SRPRB: variants seen among roughly 807,000 people sequenced by gnomAD.
The protein encoded by SRPRB is SRP receptor subunit beta, also known as signal recognition particle receptor subunit beta.
Under a neutral mutation model 31.9 loss-of-function variants are expected in SRPRB, and 20 were observed. The ratio of observed to expected loss-of-function variants is 0.63; its 90% CI spans 0.44 to 0.91. The LOEUF is 0.91. Ranked by LOEUF, SRPRB falls within the 40% of genes least tolerant of loss-of-function variation. SRPRB has a pLI of 0.00. For missense variants in SRPRB, 321 were observed against 324.9 expected, an observed-to-expected ratio of 0.99 and a Z score of 0.09; for synonymous variants, 146 against 132.8, an observed-to-expected ratio of 1.10 and a Z score of -0.68.
rs777415054 is a variant in SRPRB at position 133,819,708 on chromosome 3, G to A, written c.758G>A (p.Gly253Glu). ...GAGTGCAGTGCCAAGGGTGGAAGAG[G>A]GGACGTGGGCTCTGCTGACATCCAG... ...FLECSAKGGR[G>E]DVGSADIQDL... Residue 253 changes from glycine (G) to glutamate (E), a missense_variant, in exon 7 of 7, where the codon GGG becomes GAG. Gly to Glu is a moderately conservative substitution (Grantham distance 98). Transcript: ENST00000678299. The A allele has an allele frequency of 5.0e-5, 81 of 1,614,000 alleles. No individual in the cohort carries two copies. In the Admixed American group the frequency reaches 1.3e-3, roughly 27 times the overall value.
At chr3:133,828,405 G>A (rs1935606023), downstream of SRPRB, 2 of 357,032 alleles carry the variant, frequency 5.6e-6, no homozygotes, top group Non-Finnish European at 1.0e-5. Flanking sequence ...GGAGGTGTGT[G>A]GAAAAGGTTC....
intron 2 of SRPRB, among the ~76,000 whole-genome samples, chr3:133,807,157 A>G (rs1292877644): frequency 6.6e-6 from 1 of 151,008 alleles, no homozygotes; most frequent in African/African-American, 2.4e-5. Context: ...TTAACAGTGT[A>G]TTTTAATGTG....
chr3:133,804,095 CAAAAAAAAAA>C (rs1205426598), upstream of SRPRB, among the ~76,000 whole-genome samples: 1 of 58,290 alleles, frequency 1.7e-5, no homozygotes, highest in African/African-American at 6.1e-5. Context: ...GACTCTGTCT[CAAAAAAAAAA>C]AAAAAAAAAA....
chr3:133,826,478 G>A (rs1468084361), downstream of SRPRB: 1 of 152,646 alleles, frequency 6.6e-6, no homozygotes, highest in Admixed American at 6.5e-5. Flanking sequence ...GCAGATTCCT[G>A]TAAATGGGGC....
chr3:133,803,087 C>T (rs1935086355), upstream of SRPRB, among the ~76,000 whole-genome samples: 4 of 152,132 alleles, frequency 2.6e-5, 1 homozygote, highest in South Asian at 8.3e-4. Context: ...ATTTTCATAC[C>T]TATTTCTGTC....
rs141237654 is a variant in SRPRB at position 133,813,799 on chromosome 3, G to A, written c.411-1791G>A. 6.6e-3 allele frequency among the ~76,000 whole-genome samples: 1,011 copies of A among 152,268 alleles called. 8 individuals are homozygous for A. Among genetic ancestry groups the A allele is most frequent in the Non-Finnish European group, 0.011 (715 of 68,020 alleles). ...GATATTGTGGTGGTTCTTTAATCCC[G>A]TAGGATATGAAAGCCTTGCTCCATA... On this transcript the variant is annotated intron_variant, in intron 4 of 6. Transcript: ENST00000678299.
chr3:133,827,034 C>A (rs373057917), downstream of SRPRB: 2 of 152,796 alleles, frequency 1.3e-5, no homozygotes, highest in East Asian at 1.9e-4. Flanking sequence ...TCAGTGGGAT[C>A]CTGCTTCCTC....
intron 1 of SRPRB, chr3:133,788,424 C>T (rs899703002): frequency 3.3e-5 from 5 of 152,240 alleles, no homozygotes; most frequent in Non-Finnish European, 7.3e-5. Context: ...CACAGGCCTT[C>T]TCCCACCCTG....
chr3:133,815,658 A>G lies in SRPRB; in HGVS notation c.479A>G (p.Tyr160Cys), dbSNP rs768291085. 12 of 1,613,882 alleles carry G rather than the reference A, an allele frequency of 7.4e-6. No homozygotes were observed. The Admixed American group carries it at 1.8e-4, about 25-fold the overall frequency. ...GTGAAAGATGTGGCTGAGTTTCTGT[A>G]TCAAGTCCTCATTGACAGTATGGGT... ...REVKDVAEFL[Y>C]QVLIDSMGLK... The change falls in exon 5 of 7, where the codon TAT becomes TGT. Residue 160 changes from tyrosine (Y) to cysteine (C), a missense_variant. Tyr to Cys is a radical substitution (Grantham distance 194). Coordinates refer to ENST00000678299, the MANE Select transcript of SRPRB (RefSeq NM_001379313.1).
chr3:133,785,200 C>T (rs1458713343), intron 1 of SRPRB: 8 of 98,508 alleles, frequency 8.1e-5, no homozygotes, highest in African/African-American at 2.7e-4. Context: ...CCCGGCCAGC[C>T]GCCCCGTCTG....
At position 133,805,986 on chromosome 3, in the gene SRPRB, G is replaced by C. The variant is rs777146219; in HGVS notation, c.138G>C (p.Ala46=). The part of the protein sequence containing the change: ...TLLSVVVAVL[A]VLLTLVFWKL... ...TGTCAGTAGTGGTGGCGGTTCTTGC[G>C]GTGCTGCTGACGCTAGGTAAAAGGC... Residue 46 remains alanine (A), a synonymous_variant, in exon 1 of 7, where the codon GCG becomes GCC. Transcript: ENST00000678299. 1.2e-6 allele frequency: 2 copies of C among 1,613,188 alleles called. No individual in the cohort carries two copies. The highest frequency in any genetic ancestry group is 8.5e-7 in the Non-Finnish European group (1 of 1,179,476).
In SRPRB at chr3:133,819,805, A is replaced by G. The variant is rs750386326; in HGVS notation, c.*39A>G. ...AGCACAAGACCTGGATGTGTGACAC[A>G]CAGTTTTGGAAAAAGGTCTGTGGTA... On this transcript the variant is annotated 3_prime_UTR_variant, in exon 7 of 7. Transcript: ENST00000678299. 1.1e-5 allele frequency: 18 copies of G among 1,587,468 alleles called. No homozygotes were observed. The highest frequency in any genetic ancestry group is 1.5e-5 in the Non-Finnish European group (18 of 1,162,354).
chr3:133,800,697 G>T (rs566872511), intron 1 of SRPRB, among the ~76,000 whole-genome samples: 2 of 152,304 alleles, frequency 1.3e-5, no homozygotes, highest in Admixed American at 6.5e-5. Context: ...GTAGGCTAGG[G>T]TGACATGTCC....
Position 133,806,452 on chromosome 3 carries a change from T to A in SRPRB, c.155-157T>A, listed in dbSNP as rs6764794. ...TTGACAGTGCCTGGCTCTCAGTGGA[T>A]CCCTAACAACAGCAATAGTAACCAT... is the stretch of plus-strand genomic sequence containing the variant. On this transcript the variant is annotated intron_variant, in intron 1 of 6. Coordinates refer to ENST00000678299, the MANE Select transcript of SRPRB (RefSeq NM_001379313.1). 2.0e-3 allele frequency: 1,227 copies of A among 598,992 alleles called. 9 individuals carry two copies. The highest frequency in any genetic ancestry group is 0.019 in the African/African-American group (1,014 of 54,314). 37.1% of individuals were successfully genotyped at this position (598,992 alleles called of 1,614,324 possible). A position where few individuals can be genotyped will look rare whatever the true frequency, so the allele number is the denominator to read the frequency against.
chr3:133,810,204 A>G (rs543141489), intron 3 of SRPRB: 1 of 152,366 alleles, frequency 6.6e-6, no homozygotes, highest in African/African-American at 2.4e-5. Context: ...TTGTCTATAA[A>G]GAAATGCACA....
rs1934680261 is a variant in SRPRB, at chr3:133,786,231, A to AAAAC, written c.-174+2090_-174+2091insCAAA. Reference sequence around the variant, plus strand: ...CAATAAAAAAATAAATTAAAAAAAAAAAAAAAAAACAATACTATTTTTTGA... The same window carrying AAAAC: ...CAATAAAAAAATAAATTAAAAAAAAAAAACAAAAAAAAACAATACTATTTTTTGA... On this transcript the variant is annotated intron_variant, in intron 1 of 7. Transcript: ENST00000466490. 2.6e-5 allele frequency: 4 copies of AAAAC among 150,970 alleles called. 1 individual carries two copies. The highest frequency in any genetic ancestry group is 7.3e-5 in the African/African-American group (3 of 40,922). 9.4% of individuals were successfully genotyped at this position (150,970 alleles called of 1,614,324 possible). A position where few individuals can be genotyped will look rare whatever the true frequency, so the allele number is the denominator to read the frequency against.
upstream of SRPRB, among the ~76,000 whole-genome samples, chr3:133,802,239 T>C (rs2107964671): frequency 6.6e-6 from 1 of 151,184 alleles, no homozygotes; most frequent in Admixed American, 6.6e-5. Context: ...ACTGTGTCTC[T>C]ACAAAAATAA....
chr3:133,797,930 G>A (rs1251166802), intron 1 of SRPRB, among the ~76,000 whole-genome samples: 1 of 152,010 alleles, frequency 6.6e-6, no homozygotes, highest in South Asian at 2.1e-4. Context: ...TGCTAGAAGA[G>A]GGAGAAGGGG....
In SRPRB at chr3:133,798,436, T is replaced by G. The variant is rs138747387; in HGVS notation, c.-173-7240T>G. On this transcript the variant is annotated intron_variant, in intron 1 of 7. Coordinates refer to the SRPRB transcript ENST00000466490. ...CTACTAATGAATTCTCTTAGAAACA[T>G]TATACTTAGTGTATTCTGTTGCTTT... 3.1e-3 allele frequency among the ~76,000 whole-genome samples: 479 copies of G among 152,354 alleles called. 1 individual carries two copies. The highest frequency in any genetic ancestry group is 8.6e-3 in the African/African-American group (358 of 41,588).
Sources: gnomAD v4.1 joint callset for allele counts (sites outside exome capture counted in the v4.1 genomes callset) on GRCh38, gnomAD v4.1.1 for gene constraint, MANE v1.5 for transcripts, NCBI Gene and HGNC (gene_info 2026-07-23, HGNC 2026-07-21) for gene names.